TSHZ2: variants seen among roughly 807,000 people sequenced by gnomAD.
The protein encoded by TSHZ2 is teashirt zinc finger homeobox 2, also known as teashirt homolog 2.
Under a neutral mutation model 74.4 loss-of-function variants are expected in TSHZ2, and 21 were observed. That is an observed-to-expected ratio of 0.28 (90% CI 0.20 to 0.41). The LOEUF (loss-of-function observed/expected upper bound fraction) is 0.41. TSHZ2 is among the 10% of genes least tolerant of loss of function. The probability of loss-of-function intolerance (pLI) is 1.00; values close to 1 mark genes in which losing one functional copy is unlikely to be tolerated. For synonymous variants in TSHZ2, 540 were observed against 515.3 expected (o/e 1.05, Z -0.65); for missense variants, 1,244 against 1,293.5 (o/e 0.96, Z 0.59).
At chr20:53,302,661 T>G (rs1978356354) in intron 2 of TSHZ2, among the ~76,000 whole-genome samples, 1 of 152,212 alleles carries the variant, frequency 6.6e-6, no homozygotes, top group Non-Finnish European at 1.5e-5. Context: ...GACAATTAAA[T>G]GGAGTAAGTT....
intron 1 of TSHZ2, among the ~76,000 whole-genome samples, chr20:53,195,275 A>G (rs1012198548): frequency 1.3e-5 from 2 of 152,094 alleles, no homozygotes; most frequent in Non-Finnish European, 2.9e-5. Flanking sequence ...AAATAAATAT[A>G]TATATATACA....
chr20:53,066,192 G>C (rs1600673077), intron 1 of TSHZ2, among the ~76,000 whole-genome samples: 2 of 152,270 alleles, frequency 1.3e-5, no homozygotes, highest in South Asian at 2.1e-4. Flanking sequence ...TTGGAACAGA[G>C]ACCTCTTCTG....
intron 2 of TSHZ2, among the ~76,000 whole-genome samples, chr20:53,358,316 A>G (rs1427626121): frequency 6.9e-6 from 1 of 145,918 alleles, no homozygotes; most frequent in East Asian, 2.0e-4. Flanking sequence ...AAAAAAAAAA[A>G]GTTTCTGTGG....
chr20:53,149,553 T>C (rs1168200847), intron 1 of TSHZ2, among the ~76,000 whole-genome samples: 1 of 152,204 alleles, frequency 6.6e-6, no homozygotes, highest in African/African-American at 2.4e-5. Context: ...TCAGTTCTAG[T>C]GTGTGCATGC....
chr20:53,409,829 CTTTTCTTTTTTTTTTTTTTTTTTTTT>C (rs1982983159), intron 2 of TSHZ2, among the ~76,000 whole-genome samples: 2 of 47,652 alleles, frequency 4.2e-5, no homozygotes, highest in African/African-American at 1.5e-4. Context: ...TCTTTGTTTT[CTTTTCTTTTTTTTTTTTTTTTTTTTT>C]TTTTTTTTTG....
At chr20:53,362,925 G>A (rs6068525) in intron 2 of TSHZ2, among the ~76,000 whole-genome samples, 22,705 of 152,136 alleles carry the variant, frequency 0.15, 2,221 homozygotes, top group South Asian at 0.34. Context: ...GGTGTCCTCC[G>A]CCAACACCTG....
intron 1 of TSHZ2, among the ~76,000 whole-genome samples, chr20:52,979,698 T>C (rs1046484874): frequency 2.0e-5 from 3 of 152,180 alleles, no homozygotes; most frequent in Admixed American, 1.3e-4. Flanking sequence ...GTTTCCCCTG[T>C]AGAAAAAGAC....
chr20:53,488,939 G>GA lies in TSHZ2; in HGVS notation c.*1810dup, dbSNP rs1026025391. On this transcript the variant is annotated 3_prime_UTR_variant, in exon 3 of 3. Transcript: ENST00000371497. ...TTTATGGCATGCATAACCTAGATGG[G>GA]AAAAAATATGGCGCTTCGGGGAAGG... 1.2e-4 allele frequency: 55 copies of GA among 454,986 alleles called. No homozygotes were observed. The highest frequency in any genetic ancestry group is 1.0e-3 in the African/African-American group (52 of 49,950). The allele number at this position is 454,986 out of a possible 1,614,324, so 28.2% of individuals were successfully genotyped here. A position where few individuals can be genotyped will look rare whatever the true frequency, so the allele number is the denominator to read the frequency against.
chr20:53,327,780 G>C (rs1239987885), intron 2 of TSHZ2, among the ~76,000 whole-genome samples: 1 of 152,216 alleles, frequency 6.6e-6, no homozygotes, highest in Non-Finnish European at 1.5e-5. Flanking sequence ...GGTACGATAA[G>C]AGCTTTGAAG....
At chr20:53,367,189 A>G (rs1046617508) in intron 2 of TSHZ2, among the ~76,000 whole-genome samples, 6 of 151,990 alleles carry the variant, frequency 3.9e-5, no homozygotes, top group African/African-American at 1.4e-4. Context: ...TGAGGTCCAG[A>G]GTTCAAGAGC....
chr20:53,482,276 A>G (rs1043974978), intron 2 of TSHZ2, among the ~76,000 whole-genome samples: 1 of 152,142 alleles, frequency 6.6e-6, no homozygotes, highest in African/African-American at 2.4e-5. Context: ...CAGGCCCAAC[A>G]TCTTTACATC....
rs1306405259 is a variant in TSHZ2, at chr20:53,254,900, G to A, written c.1442G>A (p.Ser481Asn). ...ETSKDEKVVK[S>N]EDYEDPLQKP... ...AGCAAGGATGAGAAAGTCGTGAAAAGCGAGGACTATGAAGATCCTCTACAA... is the reference window on the plus strand; with the variant it reads ...AGCAAGGATGAGAAAGTCGTGAAAAACGAGGACTATGAAGATCCTCTACAA... The change falls in exon 2 of 3, where the codon AGC becomes AAC. Residue 481 changes from serine to asparagine, a missense_variant. Ser to Asn is a conservative substitution (Grantham distance 46). Around this residue, in one of 6 missense-constraint regions of TSHZ2, gnomAD observed 562 missense variants for 544.0 expected, o/e 1.03. Transcript: ENST00000371497. 1 of 1,614,120 alleles carries A rather than the reference G, an allele frequency of 6.2e-7. No homozygotes were observed. The highest frequency in any genetic ancestry group is 1.7e-5 in the Admixed American group (1 of 60,000).
intron 1 of TSHZ2, among the ~76,000 whole-genome samples, chr20:53,140,634 G>A (rs1987373335): frequency 6.6e-6 from 1 of 150,758 alleles, no homozygotes; most frequent in African/African-American, 2.4e-5. Flanking sequence ...TTCTGATTCT[G>A]ACCCCCATGG....
chr20:53,408,252 CCTT>C (rs376446314), intron 2 of TSHZ2, among the ~76,000 whole-genome samples: 1 of 152,158 alleles, frequency 6.6e-6, no homozygotes, highest in Non-Finnish European at 1.5e-5. Context: ...GAAGGGTCCT[CCTT>C]CTTCATCCTG....
At chr20:53,173,747 G>A (rs893324959) in intron 1 of TSHZ2, among the ~76,000 whole-genome samples, 1 of 152,156 alleles carries the variant, frequency 6.6e-6, no homozygotes, top group Non-Finnish European at 1.5e-5. Context: ...TAGGCAGGTA[G>A]GTAGGTAGAA....
At chr20:53,457,738 T>C (rs1446133771) in intron 2 of TSHZ2, among the ~76,000 whole-genome samples, 1 of 151,534 alleles carries the variant, frequency 6.6e-6, no homozygotes, top group East Asian at 1.9e-4. Flanking sequence ...GTCCCATCAA[T>C]ACCTAATTTA....
At chr20:53,423,959 C>T (rs1170430419) in intron 2 of TSHZ2, among the ~76,000 whole-genome samples, 3 of 152,180 alleles carry the variant, frequency 2.0e-5, no homozygotes, top group Admixed American at 6.5e-5. Flanking sequence ...CTAAACACCC[C>T]GACGACGCGC....
intron 1 of TSHZ2, among the ~76,000 whole-genome samples, chr20:53,213,597 G>C (rs1291963531): frequency 6.6e-6 from 1 of 152,108 alleles, no homozygotes; most frequent in Non-Finnish European, 1.5e-5. Flanking sequence ...GAGAGAGAGA[G>C]AGAAATTTGA....
intron 2 of TSHZ2, among the ~76,000 whole-genome samples, chr20:53,446,282 G>A (rs919660533): frequency 6.6e-6 from 1 of 151,918 alleles, no homozygotes; most frequent in African/African-American, 2.4e-5. Context: ...GTCAGCTTTT[G>A]GCCAGGCGCG....
Sources: gnomAD v4.1 joint callset for allele counts (sites outside exome capture counted in the v4.1 genomes callset) on GRCh38, gnomAD v4.1.1 for gene constraint, gnomAD v4.1.1 regional missense constraint, MANE v1.5 for transcripts, NCBI Gene and HGNC (gene_info 2026-07-23, HGNC 2026-07-21) for gene names.